The following ANKS1B variants were observed in gnomAD, a reference collection of about 807,000 sequenced individuals.
ANKS1B encodes the protein ankyrin repeat and sterile alpha motif domain containing 1B, also known as ankyrin repeat and sterile alpha motif domain-containing protein 1B.
Under a neutral mutation model 148.3 loss-of-function variants are expected in ANKS1B, and 36 were observed. The ratio of observed to expected loss-of-function variants is 0.24; its 90% CI spans 0.19 to 0.32. The LOEUF is 0.32. Among genes scored for constraint, ANKS1B ranks in the 10% least tolerant of loss-of-function variants. ANKS1B has a pLI of 1.00. For missense variants in ANKS1B, 1,157 were observed against 1,542.6 expected, an observed-to-expected ratio of 0.75 and a Z score of 4.19; for synonymous variants, 542 against 560.8, an observed-to-expected ratio of 0.97 and a Z score of 0.47.
chr12:99,216,559 A>G (rs1174039484), intron 14 of ANKS1B, among the ~76,000 whole-genome samples: 1 of 152,188 alleles, frequency 6.6e-6, no homozygotes, highest in Admixed American at 6.5e-5. Context: ...ATAAAGTAGC[A>G]TGTATTTTAC....
chr12:99,642,283 G>A (rs1380139869), intron 9 of ANKS1B, among the ~76,000 whole-genome samples: 1 of 152,172 alleles, frequency 6.6e-6, no homozygotes, highest in South Asian at 2.1e-4. Context: ...CTGCCTAGAT[G>A]CAGACTACAG....
intron 19 of ANKS1B, among the ~76,000 whole-genome samples, chr12:98,823,225 A>G (rs1270885878): frequency 6.6e-6 from 1 of 152,208 alleles, no homozygotes; most frequent in Non-Finnish European, 1.5e-5. Flanking sequence ...CGAGCTGTCA[A>G]ATCGGAAGCT....
intron 25 of ANKS1B, among the ~76,000 whole-genome samples, chr12:98,756,167 C>T (rs1397329615): frequency 6.6e-6 from 1 of 152,150 alleles, no homozygotes; most frequent in African/African-American, 2.4e-5. Context: ...ATTCTAGCTC[C>T]CATAATTCCC....
chr12:99,679,859 G>A (rs987101880), intron 8 of ANKS1B, among the ~76,000 whole-genome samples: 9 of 152,218 alleles, frequency 5.9e-5, no homozygotes, highest in Non-Finnish European at 8.8e-5. Context: ...GCACCCACTC[G>A]GATGGAGAGA....
chr12:99,091,629 C>T (rs933120282), intron 15 of ANKS1B, among the ~76,000 whole-genome samples: 1 of 152,152 alleles, frequency 6.6e-6, no homozygotes, highest in African/African-American at 2.4e-5. Flanking sequence ...TTACTTCTCT[C>T]CAGATGCATA....
intron 17 of ANKS1B, among the ~76,000 whole-genome samples, chr12:98,922,432 G>C (rs2099802667): frequency 6.6e-6 from 1 of 152,136 alleles, no homozygotes. Flanking sequence ...ACCAGAAAAG[G>C]TAAACCTGTC....
intron 25 of ANKS1B, among the ~76,000 whole-genome samples, chr12:98,763,121 G>A (rs933496989): frequency 2.6e-5 from 4 of 152,194 alleles, no homozygotes; most frequent in African/African-American, 7.2e-5. Context: ...GTTCTCAGTG[G>A]GGTCTCCAGA....
In ANKS1B at chr12:99,516,521, T is replaced by C. The variant is rs534101193; in HGVS notation, c.1273-11880A>G. Among the ~76,000 whole-genome samples the C allele has an allele frequency of 1.1e-3, 164 of 152,080 alleles. 3 individuals carry two copies. In the South Asian group the frequency reaches 0.033, roughly 31 times the overall value. ...ACCAAACACCTCATGTTGTCACTCA[T>C]AAGTGGGAGCTAAAAAATGAGAACA... On this transcript the variant is annotated intron_variant, in intron 9 of 26. Coordinates refer to ENST00000683438, the MANE Select transcript of ANKS1B (RefSeq NM_001352186.2).
intron 12 of ANKS1B, among the ~76,000 whole-genome samples, chr12:99,304,780 T>C (rs528077879): frequency 6.6e-6 from 1 of 152,250 alleles, no homozygotes; most frequent in Admixed American, 6.6e-5. Flanking sequence ...TAATATATTT[T>C]AGTAGTCCAT....
chr12:99,301,265 T>C (rs990557106), intron 12 of ANKS1B, among the ~76,000 whole-genome samples: 6 of 152,196 alleles, frequency 3.9e-5, no homozygotes, highest in African/African-American at 1.4e-4. Flanking sequence ...TGTTAATCTC[T>C]TCCAAAAGGA....
chr12:99,106,406 C>T (rs1015286700), intron 15 of ANKS1B, among the ~76,000 whole-genome samples: 1 of 152,238 alleles, frequency 6.6e-6, no homozygotes, highest in African/African-American at 2.4e-5. Context: ...TGTCCTTCTA[C>T]ACTTGAGTGG....
At chr12:99,422,814 A>G (rs987638720) in intron 11 of ANKS1B, among the ~76,000 whole-genome samples, 5 of 152,180 alleles carry the variant, frequency 3.3e-5, no homozygotes, top group Admixed American at 2.6e-4. Flanking sequence ...GGTGGTAAAA[A>G]GAGATATATT....
At position 99,790,852 on chromosome 12, in the gene ANKS1B, A is replaced by C. The variant is rs2065554955; in HGVS notation, c.670-8755T>G. On this transcript the variant is annotated intron_variant, in intron 4 of 26. Transcript: ENST00000683438. ...AAAGGAAGACAGGAAGAAAGGAAAAAAGGAAGAGCAGACCGCCAAAAAAAG... is the reference window on the plus strand; with the variant it reads ...AAAGGAAGACAGGAAGAAAGGAAAACAGGAAGAGCAGACCGCCAAAAAAAG... Among the ~76,000 whole-genome samples the C allele has an allele frequency of 2.0e-5, 3 of 152,028 alleles. No homozygotes were observed. In the South Asian group the frequency reaches 6.2e-4, roughly 31 times the overall value.
At chr12:99,945,621 A>G (rs557243988) in intron 1 of ANKS1B, among the ~76,000 whole-genome samples, 3 of 152,324 alleles carry the variant, frequency 2.0e-5, no homozygotes, top group Admixed American at 6.5e-5. Context: ...GGATGCCCAC[A>G]GATATTTCTC....
At chr12:99,307,998 C>T (rs1309464931) in intron 12 of ANKS1B, among the ~76,000 whole-genome samples, 2 of 152,034 alleles carry the variant, frequency 1.3e-5, no homozygotes, top group African/African-American at 2.4e-5. Flanking sequence ...TCAAATAAGC[C>T]TTGTTCTCTA....
chr12:99,087,166 T>G (rs1408808262), intron 15 of ANKS1B, among the ~76,000 whole-genome samples: 1 of 152,206 alleles, frequency 6.6e-6, no homozygotes, highest in African/African-American at 2.4e-5. Context: ...AGAACAGCCC[T>G]GGTGGGGCGC....
chr12:99,370,372 C>T (rs556309265), intron 12 of ANKS1B, among the ~76,000 whole-genome samples: 3 of 152,086 alleles, frequency 2.0e-5, no homozygotes, highest in Non-Finnish European at 1.5e-5. Context: ...ATGATGGGTA[C>T]AGCACCAAGA....
At chr12:99,717,147 G>A (rs2057435439) in intron 8 of ANKS1B, among the ~76,000 whole-genome samples, 1 of 151,964 alleles carries the variant, frequency 6.6e-6, no homozygotes, top group Admixed American at 6.6e-5. Flanking sequence ...TTACAGCCCT[G>A]GACCCTAAAA....
At chr12:99,586,728 G>A (rs571499231) in intron 9 of ANKS1B, among the ~76,000 whole-genome samples, 1 of 152,280 alleles carries the variant, frequency 6.6e-6, no homozygotes, top group Admixed American at 6.5e-5. Context: ...TGGCTGGGGA[G>A]GCCTCACAAT....
Sources: allele counts gnomAD v4.1 joint callset (sites outside exome capture counted in the v4.1 genomes callset), GRCh38; gene constraint gnomAD v4.1.1; transcripts MANE v1.5; gene names NCBI Gene and HGNC (gene_info 2026-07-23, HGNC 2026-07-21).